Variants in EPPK1 observed in about 807,000 individuals in gnomAD.
The protein encoded by EPPK1 is epiplakin.
For synonymous variants in EPPK1, 1,862 were observed against 1,721.2 expected (o/e 1.08, Z -2.03); for missense variants, 3,823 against 3,673.3 (o/e 1.04, Z -1.05).
rs1819406573 is a variant in EPPK1 at position 143,872,973 on chromosome 8, G to A, written c.281C>T (p.Pro94Leu). 1.3e-6 allele frequency: 2 copies of A among 1,595,146 alleles called. No homozygotes were observed. The highest frequency in any genetic ancestry group is 1.7e-6 in the Non-Finnish European group (2 of 1,169,792). ...ACCCTGCTGCAGGGCCTTGGACACA[G>A]GGAGCAGCTGGCCCCGGGCGAGGTC... ...LVDLARGQLL[P>L]VSKALQQGLV... Residue 94 changes from proline (P) to leucine (L), a missense_variant, in exon 2 of 2, where the codon CCT (proline) becomes CTT (leucine). Pro to Leu is a moderately conservative substitution (Grantham distance 98, BLOSUM62 -3). Transcript: ENST00000615648.
At position 143,872,960 on chromosome 8, in the gene EPPK1, G is replaced by A. The variant is rs782242206; in HGVS notation, c.294C>T (p.Ala98=). 11 of 1,603,820 alleles carry A rather than the reference G, an allele frequency of 6.9e-6. No homozygotes were observed. Among genetic ancestry groups the A allele is most frequent in the Non-Finnish European group, 9.4e-6 (11 of 1,174,434 alleles). Residue 98 remains alanine, a synonymous_variant, in exon 2 of 2, where the codon GCC becomes GCT. Coordinates refer to ENST00000615648, the MANE Select transcript of EPPK1 (RefSeq NM_031308.4). Reference sequence around the variant, plus strand: ...CCAGCCCCACCAGACCCTGCTGCAGGGCCTTGGACACAGGGAGCAGCTGGC... The same window carrying A: ...CCAGCCCCACCAGACCCTGCTGCAGAGCCTTGGACACAGGGAGCAGCTGGC... The part of the protein sequence containing the change: ...ARGQLLPVSK[A]LQQGLVGLEL...
At chr8:143,875,360 C>T (rs782084617) in intron 1 of EPPK1, among the ~76,000 whole-genome samples, 2 of 152,256 alleles carry the variant, frequency 1.3e-5, no homozygotes, top group Non-Finnish European at 2.9e-5. Flanking sequence ...CCCTTCCCTT[C>T]TGCAGATACT....
rs782530358 is a variant in EPPK1 at position 143,870,305 on chromosome 8, C to T, written c.2949G>A (p.Ser983=). 67 of 1,577,982 alleles carry T rather than the reference C, an allele frequency of 4.2e-5. No individual in the cohort carries two copies. The highest frequency in any genetic ancestry group is 5.1e-5 in the Non-Finnish European group (60 of 1,168,128). Residue 983 remains serine (S), a synonymous_variant, in exon 2 of 2, where the codon TCG becomes TCA. Transcript: ENST00000615648. This position sits in a 1 kb window ranked among gnomAD's most constrained non-coding sequence, Gnocchi z 5.2. The part of the protein sequence containing the change: ...IMDPHSPESL[S]VDEAVRRGVV... ...CACCCCTGCGCACGGCCTCATCCAC[C>T]GAGAGGCTCTCTGGGCTGTGAGGGT...
At chr8:143,878,851 C>T (rs1289342086), upstream of EPPK1, among the ~76,000 whole-genome samples, 10 of 152,008 alleles carry the variant, frequency 6.6e-5, no homozygotes, top group African/African-American at 2.4e-4. Context: ...CCCACCTTGT[C>T]TGCTCAGCTT....
Position 143,858,270 on chromosome 8 carries a change from T to C in EPPK1, c.14984A>G (p.Lys4995Arg). The C allele has an allele frequency of 6.3e-7, 1 of 1,591,214 alleles. No individual in the cohort carries two copies. Among genetic ancestry groups the C allele is most frequent in the Non-Finnish European group, 8.5e-7 (1 of 1,173,542 alleles). Reference protein sequence around the residue: ...QQISLFQAMQKDLIVREHGIR... With the variant: ...QQISLFQAMQRDLIVREHGIR... ...GCCGTGCTCCCGGACGATGAGGTCC[T>C]TCTGCATGGCCTGGAAGAGGGAGAT... Residue 4995 changes from lysine (K) to arginine (R), a missense_variant, in exon 2 of 2, where the codon AAG (lysine) becomes AGG (arginine). By Grantham distance (26) the Lys-to-Arg change is conservative. Transcript: ENST00000615648.
At position 143,869,685 on chromosome 8, in the gene EPPK1, G is replaced by A. The variant is rs781909751; in HGVS notation, c.3569C>T (p.Ala1190Val). ...GCCGGGCACCATGACGCGGGCCTGGGCCAGGAGCTTGGTCTCCTGTACCCA... is the reference window on the plus strand; with the variant it reads ...GCCGGGCACCATGACGCGGGCCTGGACCAGGAGCTTGGTCTCCTGTACCCA... ...QRWVQETKLL[A>V]QARVMVPGPR... Residue 1190 changes from alanine (A) to valine (V), a missense_variant, in exon 2 of 2, where the codon GCC (alanine) becomes GTC (valine). Physicochemically the swap from Ala to Val is moderately conservative, Grantham distance 64. Transcript: ENST00000615648. 5 of 1,595,910 alleles carry A rather than the reference G, an allele frequency of 3.1e-6. No individual in the cohort carries two copies. The highest frequency in any genetic ancestry group is 4.3e-6 in the Non-Finnish European group (5 of 1,172,360).
chr8:143,875,931 G>A (rs1819468415), intron 1 of EPPK1, among the ~76,000 whole-genome samples: 1 of 140,804 alleles, frequency 7.1e-6, no homozygotes, highest in South Asian at 2.1e-4. Context: ...ACCAAGGCCT[G>A]GCACAGTGGC....
Position 143,867,746 on chromosome 8 carries a change from T to C in EPPK1, c.5508A>G (p.Glu1836=). 1.2e-6 allele frequency: 2 copies of C among 1,613,790 alleles called. No individual in the cohort carries two copies. Among genetic ancestry groups the C allele is most frequent in the South Asian group, 2.2e-5 (2 of 91,084 alleles). Residue 1836 remains glutamate, a synonymous_variant, in exon 2 of 2, where the codon GAA becomes GAG. Transcript: ENST00000615648. Reference sequence around the variant, plus strand: ...TGCCTTGGTTTTGCGTCTCTGTTTCTTCAATTGTCGTGGTGATGATTTCCA... The same window carrying C: ...TGCCTTGGTTTTGCGTCTCTGTTTCCTCAATTGTCGTGGTGATGATTTCCA... The part of the protein sequence containing the change: ...KLLEIITTTI[E]ETETQNQGIK...
chr8:143,870,804 A>G lies in EPPK1; in HGVS notation c.2450T>C (p.Leu817Pro). ...DSATQQAFQNLLLSVKYGRFQ... is the reference protein window; with the variant it reads ...DSATQQAFQNPLLSVKYGRFQ... ...CCGTCCATACTTCACGGAGAGCAGCAGGTTCTGGAAGGCCTGCTGGGTGGC... is the reference window on the plus strand; with the variant it reads ...CCGTCCATACTTCACGGAGAGCAGCGGGTTCTGGAAGGCCTGCTGGGTGGC... The change falls in exon 2 of 2, where the codon CTG becomes CCG. Residue 817 changes from leucine (L) to proline (P), a missense_variant. Coordinates refer to ENST00000615648, the MANE Select transcript of EPPK1 (RefSeq NM_031308.4). This position sits in a 1 kb window ranked among gnomAD's most constrained non-coding sequence, Gnocchi z 5.2. The G allele has an allele frequency of 1.2e-6, 2 of 1,612,732 alleles. No individual in the cohort carries two copies. Among genetic ancestry groups the G allele is most frequent in the Non-Finnish European group, 1.7e-6 (2 of 1,179,862 alleles).
At position 143,867,117 on chromosome 8, in the gene EPPK1, T is replaced by G. The variant is rs782322639; in HGVS notation, c.6137A>C (p.Asp2046Ala). The G allele has an allele frequency of 5.6e-6, 9 of 1,612,980 alleles. No individual in the cohort carries two copies. The highest frequency in any genetic ancestry group is 5.1e-6 in the Non-Finnish European group (6 of 1,179,838). ...LHKDIYALIS[D>A]QKHMRKRFVD... is the part of the protein sequence containing the mutation. The stretch of plus-strand genomic sequence containing the variant: ...AAACCGTTTCCTCATGTGCTTCTGG[T>G]CGGAAATGAGCGCATAGATGTCCTT... The change falls in exon 2 of 2, where the codon GAC becomes GCC. Residue 2046 changes from aspartate to alanine, a missense_variant. Asp to Ala is a moderately radical substitution (Grantham distance 126). Transcript: ENST00000615648.
In EPPK1 at chr8:143,867,971, C is replaced by T; in HGVS notation, c.5283G>A (p.Lys1761=). The change falls in exon 2 of 2, where the codon AAG becomes AAA. Residue 1761 remains lysine (K), a synonymous_variant. Coordinates refer to ENST00000615648, the MANE Select transcript of EPPK1 (RefSeq NM_031308.4). The stretch of plus-strand genomic sequence containing the variant: ...TGATGTACACGTAGTTTTCTCCTTT[C>T]TTTATGATTTGTAGCAGGTACAGGC... ...ETGLYLLQII[K]KGENYVYINE... is the part of the protein sequence containing the mutation. 4 of 1,613,006 alleles carry T rather than the reference C, an allele frequency of 2.5e-6. No individual in the cohort carries two copies. The highest frequency in any genetic ancestry group is 3.4e-6 in the Non-Finnish European group (4 of 1,179,918).
Position 143,869,129 on chromosome 8 carries a change from G to T in EPPK1, c.4125C>A (p.Pro1375=). The T allele has an allele frequency of 6.2e-7, 1 of 1,606,142 alleles. No individual in the cohort carries two copies. The change falls in exon 2 of 2, where the codon CCC becomes CCA. Residue 1375 remains proline, a synonymous_variant. Transcript: ENST00000615648. ...VVDPVHGVHL[P]QAAACRLGLL... is the part of the protein sequence containing the mutation. Reference sequence around the variant, plus strand: ...GGCCGAGTCTGCAGGCTGCCGCCTGGGGCAGGTGCACCCCGTGGACAGGGT... The same window carrying T: ...GGCCGAGTCTGCAGGCTGCCGCCTGTGGCAGGTGCACCCCGTGGACAGGGT...
At chr8:143,874,567 G>A (rs971690419) in intron 1 of EPPK1, among the ~76,000 whole-genome samples, 1 of 152,176 alleles carries the variant, frequency 6.6e-6, no homozygotes, top group East Asian at 1.9e-4. Flanking sequence ...AGGCAGGCAG[G>A]ATCCTCCCCT....
chr8:143,871,304 T>C lies in EPPK1; in HGVS notation c.1950A>G (p.Thr650=), dbSNP rs1819339874. Residue 650 remains threonine (T), a synonymous_variant, in exon 2 of 2, where the codon ACA becomes ACG. Coordinates refer to ENST00000615648, the MANE Select transcript of EPPK1 (RefSeq NM_031308.4). ...ALILLEAQAA[T]GFIIDPKANK... Reference sequence around the variant, plus strand: ...TTGCTTTTGGGTCGATGATGAAGCCTGTGGCAGCTTGTGCCTCCAGAAGGA... The same window carrying C: ...TTGCTTTTGGGTCGATGATGAAGCCCGTGGCAGCTTGTGCCTCCAGAAGGA... The C allele has an allele frequency of 2.5e-6, 4 of 1,612,272 alleles. No individual in the cohort carries two copies. The East Asian group carries it at 8.9e-5, about 36-fold the overall frequency.
In EPPK1 at chr8:143,868,797, A is replaced by G. The variant is rs1819231786; in HGVS notation, c.4457T>C (p.Leu1486Pro). Residue 1486 changes from leucine to proline, a missense_variant, in exon 2 of 2, where the codon CTG (leucine) becomes CCG (proline). Physicochemically the swap from Leu to Pro is moderately conservative, Grantham distance 98. Transcript: ENST00000615648. ...EYVGADKRRE[L>P]VALCRSGRAA... ...CCTCCCAGACCGACAGAGTGCCACC[A>G]GCTCCCGCCGCTTGTCAGCGCCAAC... 6.2e-7 allele frequency: 1 copy of G among 1,601,742 alleles called. No homozygotes were observed. The highest frequency in any genetic ancestry group is 8.5e-7 in the Non-Finnish European group (1 of 1,178,616).
chr8:143,877,808 G>A (rs374662272), intron 1 of EPPK1, among the ~76,000 whole-genome samples: 37 of 152,082 alleles, frequency 2.4e-4, no homozygotes, highest in African/African-American at 8.2e-4. Flanking sequence ...ACAGTGCAGC[G>A]GGGGCCCAGG....
chr8:143,866,618 C>T lies in EPPK1; in HGVS notation c.6636G>A (p.Glu2212=), dbSNP rs569459584. The T allele has an allele frequency of 1.2e-6, 2 of 1,612,956 alleles. No individual in the cohort carries two copies. Among genetic ancestry groups the T allele is most frequent in the Non-Finnish European group, 1.7e-6 (2 of 1,179,880 alleles). Residue 2212 remains glutamate (E), a synonymous_variant, in exon 2 of 2, where the codon GAG becomes GAA. Coordinates refer to ENST00000615648, the MANE Select transcript of EPPK1 (RefSeq NM_031308.4). ...TGRSTTQELM[E]DDRVKRYLEG... is the part of the protein sequence containing the mutation. Reference sequence around the variant, plus strand: ...CCAGGTAGCGCTTGACGCGGTCGTCCTCCATGAGCTCTTGCGTCGTGCTCC... The same window carrying T: ...CCAGGTAGCGCTTGACGCGGTCGTCTTCCATGAGCTCTTGCGTCGTGCTCC...
chr8:143,873,332 C>T lies in EPPK1; in HGVS notation c.-45-34G>A, dbSNP rs1486259041. ...GACAGAAAGGCTCAATCAGGGACCC[C>T]GCATGGCCTGGTGGGCACGAGGGAA... On this transcript the variant is annotated intron_variant, in intron 1 of 1. Transcript: ENST00000615648. 90 of 1,395,756 alleles carry T rather than the reference C, an allele frequency of 6.4e-5. 1 individual carries two copies. In the South Asian group the frequency reaches 8.8e-4, roughly 14 times the overall value. 86.5% of individuals were successfully genotyped at this position (1,395,756 alleles called of 1,614,324 possible).
rs370081725 is a variant in EPPK1, at chr8:143,867,062, C to T, written c.6192G>A (p.Ser2064=). 19 of 1,612,806 alleles carry T rather than the reference C, an allele frequency of 1.2e-5. No homozygotes were observed. Among genetic ancestry groups the T allele is most frequent in the Middle Eastern group, 1.6e-4 (1 of 6,082 alleles). Reference sequence around the variant, plus strand: ...GGCACCTCTCCTGCAGCTCTCGGTACGAGACCTTCTCTTGCGTGTTCGGGT... The same window carrying T: ...GGCACCTCTCCTGCAGCTCTCGGTATGAGACCTTCTCTTGCGTGTTCGGGT... ...FVDPNTQEKV[S]YRELQERCRP... Residue 2064 remains serine, a synonymous_variant, in exon 2 of 2, where the codon TCG becomes TCA. Coordinates refer to ENST00000615648, the MANE Select transcript of EPPK1 (RefSeq NM_031308.4).
Sources: allele counts gnomAD v4.1 joint callset (sites outside exome capture counted in the v4.1 genomes callset), GRCh38; gene constraint gnomAD v4.1.1; non-coding constraint Gnocchi (gnomAD v3.1); transcripts MANE v1.5; gene names NCBI Gene and HGNC (gene_info 2026-07-23, HGNC 2026-07-21).